COBLL1: variants seen among roughly 807,000 people sequenced by gnomAD.
The protein encoded by COBLL1 is cordon-bleu WH2 repeat protein like 1.
Under a neutral mutation model 94.8 loss-of-function variants are expected in COBLL1, and 50 were observed. The observed-to-expected ratio is 0.53, with a 90% CI of 0.42 to 0.67. The LOEUF is 0.67. Ranked by LOEUF, COBLL1 falls within the 30% of genes least tolerant of loss-of-function variation. COBLL1 has a pLI of 0.00. For missense variants in COBLL1, 1,362 were observed against 1,348.7 expected, an observed-to-expected ratio of 1.01 and a Z score of -0.15; for synonymous variants, 448 against 473.8, an observed-to-expected ratio of 0.95 and a Z score of 0.71.
chr2:164,679,019 ACTCC>A (rs1682920182), downstream of COBLL1, among the ~76,000 whole-genome samples: 1 of 151,804 alleles, frequency 6.6e-6, no homozygotes, highest in African/African-American at 2.4e-5. Context: ...CACATTACCA[ACTCC>A]TATCCACCCA....
At chr2:164,713,746 A>T (rs984758229) in intron 7 of COBLL1, among the ~76,000 whole-genome samples, 1 of 152,160 alleles carries the variant, frequency 6.6e-6, no homozygotes, top group African/African-American at 2.4e-5. Flanking sequence ...TTTGTGTTAC[A>T]GTCAGGAGTT....
At chr2:164,818,967 C>G (rs1685027240) in intron 2 of COBLL1, among the ~76,000 whole-genome samples, 1 of 151,266 alleles carries the variant, frequency 6.6e-6, no homozygotes, top group African/African-American at 2.4e-5. Flanking sequence ...GACAGTGTTT[C>G]ATCATGTTAT....
chr2:164,668,437 G>T (rs965039288), intron 1 of COBLL1, among the ~76,000 whole-genome samples: 5 of 152,186 alleles, frequency 3.3e-5, no homozygotes, highest in Non-Finnish European at 7.3e-5. Flanking sequence ...GAGGAGACAA[G>T]AGAGATGGGG....
intron 2 of COBLL1, among the ~76,000 whole-genome samples, chr2:164,788,623 G>A (rs1195991568): frequency 6.6e-5 from 10 of 152,132 alleles, no homozygotes; most frequent in Non-Finnish European, 1.0e-4. Flanking sequence ...GCCTAAAATT[G>A]AGCCAACTTT....
Position 164,841,376 on chromosome 2 carries a change from C to G in COBLL1, c.-50-130G>C, listed in dbSNP as rs1683605892. 2.5e-6 allele frequency: 3 copies of G among 1,183,180 alleles called. No homozygotes were observed. The allele number at this position is 1,183,180 out of a possible 1,614,324, so 73.3% of individuals were successfully genotyped here. A position where few individuals can be genotyped will look rare whatever the true frequency, so the allele number is the denominator to read the frequency against. ...GCCGGCCCGCCTCCCGGGTGCGCTT[C>G]CACCTGCGGGCCCCGGCTCCCAGCC... On this transcript the variant is annotated intron_variant, in intron 1 of 13. Transcript: ENST00000652658. The surrounding 1 kb of genome is among the most constrained non-coding windows in gnomAD (Gnocchi z 5.5).
At chr2:164,731,288 A>G (rs992515104) in intron 3 of COBLL1, among the ~76,000 whole-genome samples, 1 of 152,228 alleles carries the variant, frequency 6.6e-6, no homozygotes, top group East Asian at 1.9e-4. Flanking sequence ...AATGCATGAG[A>G]TAATTTCAAA....
At chr2:164,798,584 G>C (rs1027287324) in intron 2 of COBLL1, among the ~76,000 whole-genome samples, 1 of 152,236 alleles carries the variant, frequency 6.6e-6, no homozygotes, top group Non-Finnish European at 1.5e-5. Flanking sequence ...TTTCTTGAGA[G>C]GGAGTGGACA....
chr2:164,699,663 A>G (rs571097197), intron 10 of COBLL1, among the ~76,000 whole-genome samples, 164 bp from the exon 11 acceptor site: 354 of 152,216 alleles, frequency 2.3e-3, no homozygotes, highest in Non-Finnish European at 4.0e-3. Context: ...ATTTAATAGC[A>G]GAGAAAAAAT....
upstream of COBLL1, chr2:164,841,832 G>C (rs971866224): frequency 3.9e-5 from 26 of 661,670 alleles, no homozygotes; most frequent in Non-Finnish European, 5.2e-5. The surrounding 1 kb of genome is among the most constrained non-coding windows in gnomAD (Gnocchi z 5.5). Flanking sequence ...ATGGAGAAGC[G>C]GCAACCCCTG....
chr2:164,765,345 C>G (rs963985713), intron 2 of COBLL1, among the ~76,000 whole-genome samples: 1 of 152,138 alleles, frequency 6.6e-6, no homozygotes, highest in South Asian at 2.1e-4. Flanking sequence ...GAATTTGCAA[C>G]AGTCTGCAAG....
chr2:164,738,735 T>G (rs1686447332), intron 3 of COBLL1, among the ~76,000 whole-genome samples: 1 of 152,200 alleles, frequency 6.6e-6, no homozygotes, highest in African/African-American at 2.4e-5. Flanking sequence ...TTTTTCAGAT[T>G]TTGAAGTATT....
At chr2:164,762,853 C>A (rs1193787366) in intron 2 of COBLL1, among the ~76,000 whole-genome samples, 1 of 151,954 alleles carries the variant, frequency 6.6e-6, no homozygotes, top group African/African-American at 2.4e-5. Flanking sequence ...CCTGGCACCA[C>A]GCCCGGCTAA....
intron 2 of COBLL1, among the ~76,000 whole-genome samples, chr2:164,807,166 C>T (rs1684203668): frequency 6.6e-6 from 1 of 152,016 alleles, no homozygotes; most frequent in Non-Finnish European, 1.5e-5. Flanking sequence ...CTACATAGGA[C>T]CAGGCATGGT....
chr2:164,727,110 TA>T, intron 5 of COBLL1: 1 of 1,488,194 alleles, frequency 6.7e-7, no homozygotes, highest in South Asian at 1.2e-5. Context: ...TCTTACCTTG[TA>T]AAGATGACTT....
At chr2:164,763,062 T>G (rs1687763974) in intron 2 of COBLL1, among the ~76,000 whole-genome samples, 2 of 152,154 alleles carry the variant, frequency 1.3e-5, no homozygotes, top group South Asian at 4.1e-4. Flanking sequence ...TGTTTACATA[T>G]AATCTATGAG....
intron 2 of COBLL1, among the ~76,000 whole-genome samples, chr2:164,807,977 G>A (rs915110988): frequency 6.6e-6 from 1 of 151,910 alleles, no homozygotes; most frequent in Non-Finnish European, 1.5e-5. Flanking sequence ...GCACCACCAC[G>A]CCCAGCTAAT....
chr2:164,793,094 T>C (rs1683272153), intron 2 of COBLL1, among the ~76,000 whole-genome samples: 1 of 152,198 alleles, frequency 6.6e-6, no homozygotes, highest in Non-Finnish European at 1.5e-5. Context: ...AATCAGCCTT[T>C]GGAATCCTAC....
At chr2:164,687,733 G>C in intron 13 of COBLL1, 1 of 641,200 alleles carries the variant, frequency 1.6e-6, no homozygotes, top group Non-Finnish European at 2.8e-6. Flanking sequence ...ATTGCACACT[G>C]GGCCCCCATA....
chr2:164,798,303 A>T (rs1683577430), intron 2 of COBLL1, among the ~76,000 whole-genome samples: 1 of 152,204 alleles, frequency 6.6e-6, no homozygotes, highest in African/African-American at 2.4e-5. Context: ...CCTCATACAC[A>T]CATTAATTTT....
Sources: gnomAD v4.1 joint callset for allele counts (sites outside exome capture counted in the v4.1 genomes callset) on GRCh38, gnomAD v4.1.1 for gene constraint, Gnocchi (gnomAD v3.1) non-coding constraint, MANE v1.5 for transcripts, NCBI Gene and HGNC (gene_info 2026-07-23, HGNC 2026-07-21) for gene names.